GRIN2B: variants seen among roughly 807,000 people sequenced by gnomAD.
GRIN2B encodes glutamate ionotropic receptor NMDA type subunit 2B.
GRIN2B carries 5 observed loss-of-function variants against 114.5 expected under a neutral mutation model. The observed-to-expected ratio is 0.04, with a 90% CI of 0.02 to 0.09. The LOEUF is 0.09. Among genes scored for constraint, GRIN2B ranks in the 10% least tolerant of loss-of-function variants. GRIN2B has a pLI of 1.00. For synonymous variants in GRIN2B, 787 were observed against 745.1 expected, an observed-to-expected ratio of 1.06 and a Z score of -0.92; for missense variants, 1,108 against 1,943.5, an observed-to-expected ratio of 0.57 and a Z score of 8.08.
chr12:13,805,528 C>G (rs768055521), intron 3 of GRIN2B, among the ~76,000 whole-genome samples: 2 of 152,006 alleles, frequency 1.3e-5, no homozygotes, highest in African/African-American at 4.8e-5. Flanking sequence ...TTCTAAGAAA[C>G]AATAAGCTGG....
At chr12:13,614,471 C>T (rs1356638631) in intron 8 of GRIN2B, among the ~76,000 whole-genome samples, 1 of 151,968 alleles carries the variant, frequency 6.6e-6, no homozygotes, top group East Asian at 1.9e-4. Flanking sequence ...CACAAAAGAC[C>T]TCATCTAATT....
In GRIN2B at chr12:13,764,811, T is replaced by G. The variant is rs151104260; in HGVS notation, c.412-10896A>C. On this transcript the variant is annotated intron_variant, in intron 3 of 13. Transcript: ENST00000609686. ...AAGAGGTCCTTGAAAGAAAATGTCA[T>G]TTGTTATTTCAAACAGAAGGAAACT... 2.0e-5 allele frequency among the ~76,000 whole-genome samples: 3 copies of G among 152,326 alleles called. No individual in the cohort carries two copies. The East Asian group carries it at 5.8e-4, about 29-fold the overall frequency.
chr12:13,966,008 A>G (rs1229637595), intron 2 of GRIN2B, among the ~76,000 whole-genome samples: 1 of 152,164 alleles, frequency 6.6e-6, no homozygotes, highest in East Asian at 1.9e-4. Flanking sequence ...AACTATCTCA[A>G]GGCACCTGCA....
At chr12:13,905,254 C>T (rs1866518030) in intron 2 of GRIN2B, among the ~76,000 whole-genome samples, 1 of 152,126 alleles carries the variant, frequency 6.6e-6, no homozygotes, top group Non-Finnish European at 1.5e-5. Context: ...CTCCCTGCTG[C>T]CTTCTGGAAA....
intron 3 of GRIN2B, among the ~76,000 whole-genome samples, chr12:13,788,993 G>A (rs1013385261): frequency 1.3e-5 from 2 of 152,172 alleles, no homozygotes; most frequent in Non-Finnish European, 2.9e-5. Context: ...TCCGATTAAT[G>A]GCTGGTCACC....
intron 2 of GRIN2B, among the ~76,000 whole-genome samples, chr12:13,907,249 G>T (rs1866553404): frequency 6.6e-6 from 1 of 152,070 alleles, no homozygotes; most frequent in Non-Finnish European, 1.5e-5. Flanking sequence ...CCCATACTTT[G>T]GGAGTCCAAG....
intron 10 of GRIN2B, among the ~76,000 whole-genome samples, chr12:13,576,329 A>T (rs1731551270): frequency 6.6e-6 from 1 of 151,780 alleles, no homozygotes; most frequent in East Asian, 1.9e-4. Context: ...ATTATATGGC[A>T]CTTGCTTAGC....
intron 2 of GRIN2B, among the ~76,000 whole-genome samples, chr12:13,906,076 T>C (rs1217831881): frequency 1.3e-5 from 2 of 152,172 alleles, no homozygotes; most frequent in Admixed American, 6.5e-5. Context: ...TCCCAATACT[T>C]TTCTTGGATT....
chr12:13,558,942 C>A lies in GRIN2B; in HGVS notation c.*3841G>T, dbSNP rs917575875. On this transcript the variant is annotated 3_prime_UTR_variant, in exon 14 of 14. Transcript: ENST00000609686. ...GTTCATACAGGACCACACTCACCAA[C>A]CACTTCTGCAATGGAAGGGAATGAT... 1 of 152,190 alleles carries A rather than the reference C, an allele frequency of 6.6e-6. No homozygotes were observed. The highest frequency in any genetic ancestry group is 2.1e-4 in the South Asian group (1 of 4,832). 9.4% of individuals were successfully genotyped at this position (152,190 alleles called of 1,614,324 possible).
chr12:13,953,739 T>C (rs559635526), intron 2 of GRIN2B, among the ~76,000 whole-genome samples: 1 of 152,286 alleles, frequency 6.6e-6, no homozygotes, highest in South Asian at 2.1e-4. Context: ...AGTGGACAAG[T>C]TCTACCTTGT....
intron 3 of GRIN2B, among the ~76,000 whole-genome samples, chr12:13,794,765 G>A (rs1864387841): frequency 6.6e-6 from 1 of 152,218 alleles, no homozygotes; most frequent in Admixed American, 6.5e-5. Context: ...GCCTCAGAAT[G>A]CACAATGCCC....
intron 3 of GRIN2B, among the ~76,000 whole-genome samples, chr12:13,770,890 C>A (rs912702965): frequency 3.3e-5 from 5 of 152,130 alleles, no homozygotes; most frequent in African/African-American, 9.7e-5. Flanking sequence ...TCCAGAAACC[C>A]CTACAAAGTT....
rs370179015 is a variant in GRIN2B, at chr12:13,788,553, AG to A, written c.412-34639del. Among the ~76,000 whole-genome samples, 540 of 152,304 alleles carry A rather than the reference AG, an allele frequency of 3.5e-3. 2 individuals carry two copies. The highest frequency in any genetic ancestry group is 5.4e-3 in the Non-Finnish European group (366 of 68,028). ...CCTCGTTTTAAAAATGAGGTTACCA[AG>A]GGAAGGAAAAATTAAGTGGTTTCCT... is the stretch of plus-strand genomic sequence containing the variant. On this transcript the variant is annotated intron_variant, in intron 3 of 13. Coordinates refer to ENST00000609686, the MANE Select transcript of GRIN2B (RefSeq NM_000834.5).
At chr12:13,664,704 G>T (rs145699952) in intron 5 of GRIN2B, among the ~76,000 whole-genome samples, 321 of 151,998 alleles carry the variant, frequency 2.1e-3, no homozygotes, top group African/African-American at 7.1e-3. Flanking sequence ...TAACTTAATT[G>T]AGTTTAATTT....
intron 3 of GRIN2B, among the ~76,000 whole-genome samples, chr12:13,771,654 A>G (rs1269936389): frequency 6.6e-6 from 1 of 152,248 alleles, no homozygotes. Context: ...GAAACACTAC[A>G]TAAGAAAGTG....
intron 4 of GRIN2B, among the ~76,000 whole-genome samples, chr12:13,700,154 G>C (rs1235816860): frequency 6.6e-6 from 1 of 152,048 alleles, no homozygotes; most frequent in Non-Finnish European, 1.5e-5. Context: ...CTTTTCTTGA[G>C]ACATCATCTG....
intron 3 of GRIN2B, among the ~76,000 whole-genome samples, chr12:13,754,124 A>C (rs1250968071): frequency 6.6e-6 from 1 of 152,180 alleles, no homozygotes; most frequent in Non-Finnish European, 1.5e-5. Flanking sequence ...TGTCTCCTAG[A>C]CTTTACAGAA....
At chr12:13,893,134 T>C (rs913351332) in intron 2 of GRIN2B, among the ~76,000 whole-genome samples, 2 of 152,184 alleles carry the variant, frequency 1.3e-5, no homozygotes, top group African/African-American at 4.8e-5. Context: ...GTAAATTTGA[T>C]TAAATTGTTT....
At position 13,547,979 on chromosome 12, in the gene GRIN2B, A is replaced by ATATATATATATATATATTTTTTTTTTTT. The variant is rs1948365176; in HGVS notation, c.*14803_*14804insAAAAAAAAAAAATATATATATATATATA. Reference sequence around the variant, plus strand: ...TGTGTGTATATATATATATATATATATATTTTTTTTTTTTTTCTGAAAGCT... The same window carrying ATATATATATATATATATTTTTTTTTTTT: ...TGTGTGTATATATATATATATATATATATATATATATATATATTTTTTTTTTTTTATTTTTTTTTTTTTTCTGAAAGCT... On this transcript the variant is annotated 3_prime_UTR_variant, in exon 14 of 14. Transcript: ENST00000609686. 1 of 59,560 alleles carries ATATATATATATATATATTTTTTTTTTTT rather than the reference A, an allele frequency of 1.7e-5. No individual in the cohort carries two copies. Among genetic ancestry groups the ATATATATATATATATATTTTTTTTTTTT allele is most frequent in the Non-Finnish European group, 3.7e-5 (1 of 27,344 alleles). The allele number at this position is 59,560 out of a possible 1,614,324, so 3.7% of individuals were successfully genotyped here. A position where few individuals can be genotyped will look rare whatever the true frequency, so the allele number is the denominator to read the frequency against.
Sources: gnomAD v4.1 joint callset for allele counts (sites outside exome capture counted in the v4.1 genomes callset) on GRCh38, gnomAD v4.1.1 for gene constraint, MANE v1.5 for transcripts, NCBI Gene and HGNC (gene_info 2026-07-23, HGNC 2026-07-21) for gene names.